The following TAF4 variants were observed in gnomAD, a reference collection of about 807,000 sequenced individuals.
TAF4 encodes transcription initiation factor TFIID subunit 4.
A neutral mutation model predicts 90.3 loss-of-function variants in TAF4; 9 were observed. The ratio of observed to expected loss-of-function variants is 0.10; its 90% CI spans 0.06 to 0.17. The LOEUF (loss-of-function observed/expected upper bound fraction) is 0.17. Among genes scored for constraint, TAF4 ranks in the 10% least tolerant of loss-of-function variants. The probability of loss-of-function intolerance (pLI) is 1.00; values close to 1 mark genes in which losing one functional copy is unlikely to be tolerated. For synonymous variants in TAF4, 818 were observed against 638.9 expected, an observed-to-expected ratio of 1.28 and a Z score of -4.23; for missense variants, 1,351 against 1,370.7, an observed-to-expected ratio of 0.99 and a Z score of 0.23.
intron 1 of TAF4, among the ~76,000 whole-genome samples, chr20:62,045,838 G>A (rs28382019): frequency 0.031 from 4,741 of 152,290 alleles, 102 homozygotes; most frequent in South Asian, 0.06. Context: ...ACTGACGCTC[G>A]GGGTACAGAC....
Position 62,065,335 on chromosome 20 carries a change from T to G in TAF4, c.476A>C (p.Lys159Thr). ...GPEPAPAGPA[K>T]PAGPAALAAR... ...GGCCAGCGCGGCGGGGCCGGCGGGC[T>G]TGGCGGGGCCGGCGGGGGCGGGCTC... Residue 159 changes from lysine (K) to threonine (T), a missense_variant, in exon 1 of 15, where the codon AAG (lysine) becomes ACG (threonine). By Grantham distance (78) the Lys-to-Thr change is moderately conservative. Coordinates refer to ENST00000252996, the MANE Select transcript of TAF4 (RefSeq NM_003185.4). 1 of 936,380 alleles carries G rather than the reference T, an allele frequency of 1.1e-6. No homozygotes were observed. The highest frequency in any genetic ancestry group is 1.4e-4 in the East Asian group (1 of 7,198). 58.0% of individuals were successfully genotyped at this position (936,380 alleles called of 1,614,324 possible). A position where few individuals can be genotyped will look rare whatever the true frequency, so the allele number is the denominator to read the frequency against.
At chr20:62,046,046 C>T (rs2055991445) in intron 1 of TAF4, among the ~76,000 whole-genome samples, 1 of 152,244 alleles carries the variant, frequency 6.6e-6, no homozygotes. Flanking sequence ...CGCCAGGCCG[C>T]TGAAAGCCCT....
In TAF4 at chr20:61,998,330, T is replaced by C. The variant is rs182712088; in HGVS notation, c.2914-138A>G. On this transcript the variant is annotated intron_variant, in intron 12 of 14. Transcript: ENST00000252996. ...GCATAGCAAATTTGTGAAATGCTTA[T>C]AGCCAAAGATGAAAATTTACATCAC... is the stretch of plus-strand genomic sequence containing the variant. The C allele has an allele frequency of 1.9e-3, 1,644 of 854,680 alleles. 3 individuals carry two copies. Among genetic ancestry groups the C allele is most frequent in the Non-Finnish European group, 2.5e-3 (1,440 of 582,038 alleles). 52.9% of individuals were successfully genotyped at this position (854,680 alleles called of 1,614,324 possible). A position where few individuals can be genotyped will look rare whatever the true frequency, so the allele number is the denominator to read the frequency against.
chr20:62,065,874 T>G lies in TAF4; in HGVS notation c.-64A>C. ...CGAGCGCGCCTGGGCGAGGAGGAGG[T>G]TCCGACTGGGGCGGGCGCTGGGCGG... On this transcript the variant is annotated 5_prime_UTR_variant, in exon 1 of 15. Transcript: ENST00000252996. 8.9e-7 allele frequency: 1 copy of G among 1,121,284 alleles called. No homozygotes were observed. Among genetic ancestry groups the G allele is most frequent in the Non-Finnish European group, 1.1e-6 (1 of 904,424 alleles). The allele number at this position is 1,121,284 out of a possible 1,614,324, so 69.5% of individuals were successfully genotyped here. A position where few individuals can be genotyped will look rare whatever the true frequency, so the allele number is the denominator to read the frequency against.
intron 1 of TAF4, among the ~76,000 whole-genome samples, chr20:62,027,815 CA>C (rs1315810390): frequency 6.6e-6 from 1 of 152,246 alleles, no homozygotes; most frequent in African/African-American, 2.4e-5. Flanking sequence ...GAGGGCACAG[CA>C]GGCATGGCCC....
intron 1 of TAF4, among the ~76,000 whole-genome samples, chr20:62,050,227 C>T (rs2056018762): frequency 1.3e-5 from 2 of 152,148 alleles, no homozygotes; most frequent in Non-Finnish European, 2.9e-5. Flanking sequence ...AGGAAGGGCT[C>T]CTCCCCCACA....
At position 62,006,513 on chromosome 20, in the gene TAF4, C is replaced by T. The variant is rs1442308711; in HGVS notation, c.2220G>A (p.Pro740=). Residue 740 remains proline (P), a synonymous_variant, in exon 7 of 15, where the codon CCG becomes CCA. Transcript: ENST00000252996. The surrounding 1 kb of genome is among the most constrained non-coding windows in gnomAD (Gnocchi z 7.0). ...VGVGKQGQPT[P]LVIQQPPKPG... is the part of the protein sequence containing the mutation. ...CAGTCAGGCGCCCCTTCCATACCAG[C>T]GGTGTGGGTTGCCCCTGCTTGCCGA... 78 of 1,523,304 alleles carry T rather than the reference C, an allele frequency of 5.1e-5. No homozygotes were observed. The highest frequency in any genetic ancestry group is 6.5e-5 in the Non-Finnish European group (74 of 1,135,530). The allele number at this position is 1,523,304 out of a possible 1,614,324, so 94.4% of individuals were successfully genotyped here.
intron 1 of TAF4, among the ~76,000 whole-genome samples, chr20:62,018,989 C>T (rs1242072849): frequency 6.6e-6 from 1 of 152,126 alleles, no homozygotes; most frequent in East Asian, 1.9e-4. Context: ...GCTCACAGCC[C>T]CTCTCTCTGC....
intron 14 of TAF4, among the ~76,000 whole-genome samples, chr20:61,983,089 C>G (rs989508106): frequency 1.3e-5 from 2 of 151,980 alleles, no homozygotes; most frequent in Admixed American, 6.5e-5. Context: ...AGTGTGCCTC[C>G]CCTGTGGAGG....
At chr20:61,987,214 C>T (rs1219441678) in intron 14 of TAF4, among the ~76,000 whole-genome samples, 2 of 152,072 alleles carry the variant, frequency 1.3e-5, no homozygotes, top group African/African-American at 2.4e-5. Flanking sequence ...ACCAGACAAA[C>T]GCAAACTAAG....
chr20:62,057,015 G>C lies in TAF4; in HGVS notation c.1360+7436C>G, dbSNP rs77218495. ...TGGGCATGCTCTGAGCACCGTGCGT[G>C]GCTCCTATGAACACCACGGAGACCA... On this transcript the variant is annotated intron_variant, in intron 1 of 14. Transcript: ENST00000252996. Among the ~76,000 whole-genome samples, 1,425 of 152,292 alleles carry C rather than the reference G, an allele frequency of 9.4e-3. 8 individuals carry two copies. Among genetic ancestry groups the C allele is most frequent in the South Asian group, 0.039 (186 of 4,826 alleles).
Position 62,006,449 on chromosome 20 carries a change from G to A in TAF4, c.2223+61C>T. ...TCTGAGCCGTGGCCAATTTATCTAA[G>A]AAGCGGGCGGGAGCAGAGGCACGGT... On this transcript the variant is annotated intron_variant, in intron 7 of 14. Transcript: ENST00000252996. This position sits in a 1 kb window ranked among gnomAD's most constrained non-coding sequence, Gnocchi z 7.0. 2.2e-6 allele frequency: 3 copies of A among 1,344,936 alleles called. No individual in the cohort carries two copies. Among genetic ancestry groups the A allele is most frequent in the Middle Eastern group, 2.9e-4 (1 of 3,492 alleles). 83.3% of individuals were successfully genotyped at this position (1,344,936 alleles called of 1,614,324 possible). A position where few individuals can be genotyped will look rare whatever the true frequency, so the allele number is the denominator to read the frequency against.
At position 62,059,036 on chromosome 20, in the gene TAF4, TCTC is replaced by T. The variant is rs2056075722; in HGVS notation, c.1360+5412_1360+5414del. On this transcript the variant is annotated intron_variant, in intron 1 of 14. Transcript: ENST00000252996. ...CAAACACAGTCCCCAACAGACAACT[TCTC>T]CTGTCCCCACATGCGGCTCCCAACA... Among the ~76,000 whole-genome samples, 5 of 152,116 alleles carry T rather than the reference TCTC, an allele frequency of 3.3e-5. 1 individual carries two copies. In the South Asian group the frequency reaches 1.0e-3, roughly 32 times the overall value.
intron 1 of TAF4, among the ~76,000 whole-genome samples, chr20:62,027,929 C>G (rs2055883646): frequency 6.6e-6 from 1 of 152,238 alleles, no homozygotes; most frequent in South Asian, 2.1e-4. Context: ...CTGCTCTCCC[C>G]TCACCTCGGC....
rs1326905669 is a variant in TAF4 at position 61,999,227 on chromosome 20, G to A, written c.2788-119C>T. ...CCCTCCCTCCGTCCAGTCTGAATGC[G>A]GCGAGGACCCGATCCCTCCCACCCT... On this transcript the variant is annotated intron_variant, in intron 11 of 14. Coordinates refer to ENST00000252996, the MANE Select transcript of TAF4 (RefSeq NM_003185.4). 1.4e-5 allele frequency: 18 copies of A among 1,319,894 alleles called. No individual in the cohort carries two copies. The South Asian group carries it at 1.6e-4, about 12-fold the overall frequency. The allele number at this position is 1,319,894 out of a possible 1,614,324, so 81.8% of individuals were successfully genotyped here.
Position 62,014,578 on chromosome 20 carries a change from C to T in TAF4, c.1490G>A (p.Ser497Asn), listed in dbSNP as rs2123150992. Residue 497 changes from serine (S) to asparagine (N), a missense_variant, in exon 2 of 15, where the codon AGT (serine) becomes AAT (asparagine). Ser to Asn is a conservative substitution (Grantham distance 46). Coordinates refer to ENST00000252996, the MANE Select transcript of TAF4 (RefSeq NM_003185.4). ...TMAPRPATPTSAPPVQISTVQ... is the reference protein window; with the variant it reads ...TMAPRPATPTNAPPVQISTVQ... ...GGTGGAGATCTGGACGGGAGGGGCA[C>T]TTGTGGGGGTGGCAGGGCGAGGCGC... The T allele has an allele frequency of 6.2e-7, 1 of 1,613,568 alleles. No homozygotes were observed. The highest frequency in any genetic ancestry group is 8.5e-7 in the Non-Finnish European group (1 of 1,179,820).
At chr20:62,064,379 G>A (rs1568946576) in intron 1 of TAF4, 72 bp downstream of exon 1, 5 of 1,272,952 alleles carry the variant, frequency 3.9e-6, no homozygotes, top group South Asian at 2.5e-5. Context: ...TCCACCAGCG[G>A]AGAACTTCCT....
At chr20:61,989,074 A>G (rs986490989) in intron 14 of TAF4, among the ~76,000 whole-genome samples, 1 of 152,138 alleles carries the variant, frequency 6.6e-6, no homozygotes, top group African/African-American at 2.4e-5. Flanking sequence ...ACCAATAGAC[A>G]AGGATGGGGG....
chr20:62,003,087 T>C (rs28382089), intron 9 of TAF4, 73 bp downstream of exon 9: 2 of 1,328,602 alleles, frequency 1.5e-6, no homozygotes, highest in African/African-American at 1.5e-5. Flanking sequence ...TGGGCGGGAA[T>C]GGAGCAGCAC....
Sources: allele counts gnomAD v4.1 joint callset (sites outside exome capture counted in the v4.1 genomes callset), GRCh38; gene constraint gnomAD v4.1.1; non-coding constraint Gnocchi (gnomAD v3.1); transcripts MANE v1.5; gene names NCBI Gene and HGNC (gene_info 2026-07-23, HGNC 2026-07-21).